Variants in CPSF6 observed in about 807,000 individuals in gnomAD.
CPSF6 encodes the protein cleavage and polyadenylation specific factor 6.
CPSF6 carries 10 observed loss-of-function variants against 56.7 expected under a neutral mutation model. That is an observed-to-expected ratio of 0.18 (90% confidence interval 0.11 to 0.30). CPSF6 has a LOEUF of 0.30. Among genes scored for constraint, CPSF6 ranks in the 10% least tolerant of loss-of-function variants. The pLI, the probability that CPSF6 is intolerant of heterozygous loss-of-function variation, is 1.00. For synonymous variants in CPSF6, 248 were observed against 244.8 expected (o/e 1.01, Z -0.12); for missense variants, 419 against 722.9 (o/e 0.58, Z 4.82).
intron 1 of CPSF6, among the ~76,000 whole-genome samples, chr12:69,241,632 G>C (rs1398875920): frequency 6.6e-6 from 1 of 152,180 alleles, no homozygotes; most frequent in Non-Finnish European, 1.5e-5. Context: ...TCTTATCCCT[G>C]TGCAGTAGCA....
chr12:69,258,791 C>T lies in CPSF6; in HGVS notation c.896C>T (p.Pro299Leu), dbSNP rs1300905836. The change falls in exon 6 of 10, where the codon CCA becomes CTA. Residue 299 changes from proline (P) to leucine (L), a missense_variant. Physicochemically the swap from Pro to Leu is moderately conservative, Grantham distance 98 (BLOSUM62 -3). This residue lies in a region of CPSF6 where 211 missense variants were observed against 296.0 expected (regional missense o/e 0.71). Coordinates refer to ENST00000435070, the MANE Select transcript of CPSF6 (RefSeq NM_007007.3). The surrounding 1 kb of genome is among the most constrained non-coding windows in gnomAD (Gnocchi z 4.2). ...LGPLPPGPPP[P>L]VPGYGPPPGP... ...CCACTTCCTCCTGGCCCTCCACCTC[C>T]AGTTCCAGGCTACGGCCCCCCTCCT... is the stretch of plus-strand genomic sequence containing the variant. 4.3e-6 allele frequency: 7 copies of T among 1,614,028 alleles called. No homozygotes were observed. Among genetic ancestry groups the T allele is most frequent in the Non-Finnish European group, 5.9e-6 (7 of 1,179,984 alleles).
chr12:69,262,407 T>C lies in CPSF6; in HGVS notation c.1504T>C (p.Ser502Pro). Reference sequence around the variant, plus strand: ...ATCAAGAGAGAGGGACCATAGTAGATCACGAGAAAAGAGTCGACGTCATAA... The same window carrying C: ...ATCAAGAGAGAGGGACCATAGTAGACCACGAGAAAAGAGTCGACGTCATAA... ...ERSRERDHSR[S>P]REKSRRHKSR... Residue 502 changes from serine to proline, a missense_variant, in exon 9 of 10, where the codon TCA (serine) becomes CCA (proline). By Grantham distance (74) the Ser-to-Pro change is moderately conservative. Coordinates refer to ENST00000435070, the MANE Select transcript of CPSF6 (RefSeq NM_007007.3). 1 of 1,610,856 alleles carries C rather than the reference T, an allele frequency of 6.2e-7. No individual in the cohort carries two copies. Among genetic ancestry groups the C allele is most frequent in the Non-Finnish European group, 8.5e-7 (1 of 1,177,810 alleles).
rs1359756405 is a variant in CPSF6, at chr12:69,273,937, C to CA, written c.*4435dup. On this transcript the variant is annotated 3_prime_UTR_variant, in exon 10 of 10. Coordinates refer to ENST00000435070, the MANE Select transcript of CPSF6 (RefSeq NM_007007.3). ...AATGGAAAGCCCTTAACAACAACAA[C>CA]AAAAAATTGTATCATTTTACCAATA... 6.6e-6 allele frequency: 1 copy of CA among 151,746 alleles called. No homozygotes were observed. Among genetic ancestry groups the CA allele is most frequent in the South Asian group, 2.1e-4 (1 of 4,820 alleles). The allele number at this position is 151,746 out of a possible 1,614,324, so 9.4% of individuals were successfully genotyped here.
At chr12:69,257,409 G>A (rs1320674495) in intron 4 of CPSF6, among the ~76,000 whole-genome samples, 2 of 152,196 alleles carry the variant, frequency 1.3e-5, no homozygotes, top group Non-Finnish European at 2.9e-5. Flanking sequence ...GAAGAAGTGT[G>A]TTACAAAATT....
chr12:69,248,386 A>T lies in CPSF6; in HGVS notation c.61-2743A>T, dbSNP rs368119884. On this transcript the variant is annotated intron_variant, in intron 1 of 9. Coordinates refer to ENST00000435070, the MANE Select transcript of CPSF6 (RefSeq NM_007007.3). ...TTCTGCTGAGGAGGATGGAAACTCA[A>T]CTCCCTTTGAATAATATTAGTAATT... Among the ~76,000 whole-genome samples the T allele has an allele frequency of 5.2e-4, 79 of 152,216 alleles. 1 individual carries two copies. The East Asian group carries it at 8.7e-3, about 17-fold the overall frequency.
At chr12:69,259,177 A>T in intron 6 of CPSF6, 83 bp downstream of exon 6, 2 of 1,427,696 alleles carry the variant, frequency 1.4e-6, no homozygotes, top group East Asian at 2.4e-5. Flanking sequence ...AGGTATATAA[A>T]TATGTTATTT....
At chr12:69,240,132 GCCCGCCGCCGCCGCCCCTTC>G (rs1215616462) in intron 1 of CPSF6, among the ~76,000 whole-genome samples, 2 of 150,966 alleles carry the variant, frequency 1.3e-5, no homozygotes, top group South Asian at 2.1e-4. Flanking sequence ...CGGGGCGCGT[GCCCGCCGCCGCCGCCCCTTC>G]CCCGCCGCTG....
At position 69,258,812 on chromosome 12, in the gene CPSF6, C is replaced by T. The variant is rs767355931; in HGVS notation, c.917C>T (p.Pro306Leu). ...CCTCCAGTTCCAGGCTACGGCCCCC[C>T]TCCTGGCCCACCACCTCCACAACAG... ...PPPPVPGYGPPPGPPPPQQGP... is the reference protein window; with the variant it reads ...PPPPVPGYGPLPGPPPPQQGP... The change falls in exon 6 of 10, where the codon CCT (proline) becomes CTT (leucine). Residue 306 changes from proline to leucine, a missense_variant. By Grantham distance (98) the Pro-to-Leu change is moderately conservative. Coordinates refer to ENST00000435070, the MANE Select transcript of CPSF6 (RefSeq NM_007007.3). This position sits in a 1 kb window ranked among gnomAD's most constrained non-coding sequence, Gnocchi z 4.2. 6.2e-7 allele frequency: 1 copy of T among 1,613,944 alleles called. No homozygotes were observed. The highest frequency in any genetic ancestry group is 8.5e-7 in the Non-Finnish European group (1 of 1,179,950).
At chr12:69,265,660 T>C (rs545080614) in intron 9 of CPSF6, among the ~76,000 whole-genome samples, 1 of 146,806 alleles carries the variant, frequency 6.8e-6, no homozygotes, top group African/African-American at 2.5e-5. Flanking sequence ...TAGAGTGCAG[T>C]GGCACAATCT....
chr12:69,241,641 C>G (rs1871627592), intron 1 of CPSF6, among the ~76,000 whole-genome samples: 1 of 152,196 alleles, frequency 6.6e-6, no homozygotes, highest in Non-Finnish European at 1.5e-5. Context: ...TGTGCAGTAG[C>G]AAGTGCTGAC....
chr12:69,253,226 AGTTAAT>A, intron 3 of CPSF6, 72 bp downstream of exon 3: 3 of 788,640 alleles, frequency 3.8e-6, no homozygotes, highest in Non-Finnish European at 6.3e-6. Flanking sequence ...CTTTCCTTTA[AGTTAAT>A]GTTAATTACA....
chr12:69,253,900 T>C (rs536399437), intron 3 of CPSF6, among the ~76,000 whole-genome samples: 93 of 152,270 alleles, frequency 6.1e-4, no homozygotes, highest in Middle Eastern at 6.8e-3. Context: ...ATAAGTCTTT[T>C]GGTACAGATT....
chr12:69,239,679 C>T lies in CPSF6; in HGVS notation c.33C>T (p.Tyr11=). ...ACGGCGTGGACCACATAGACATTTA[C>T]GCGGATGTCGGCGAAGAGTTCAACC... MADGVDHIDI[Y]ADVGEEFNQE... The change falls in exon 1 of 10, where the codon TAC becomes TAT. Residue 11 remains tyrosine, a synonymous_variant. Coordinates refer to ENST00000435070, the MANE Select transcript of CPSF6 (RefSeq NM_007007.3). 1.0e-5 allele frequency: 16 copies of T among 1,591,146 alleles called. No individual in the cohort carries two copies. Among genetic ancestry groups the T allele is most frequent in the Non-Finnish European group, 1.1e-5 (13 of 1,169,764 alleles).
intron 9 of CPSF6, among the ~76,000 whole-genome samples, chr12:69,267,791 A>T (rs200444511): frequency 6.6e-6 from 1 of 151,906 alleles, no homozygotes; most frequent in East Asian, 1.9e-4. Flanking sequence ...AATAGAAAAG[A>T]TCTATCTATA....
chr12:69,240,136 G>A (rs746952677), intron 1 of CPSF6, among the ~76,000 whole-genome samples: 2 of 151,180 alleles, frequency 1.3e-5, no homozygotes, highest in East Asian at 2.0e-4. Flanking sequence ...GCGCGTGCCC[G>A]CCGCCGCCGC....
In CPSF6 at chr12:69,239,615, G is replaced by T. The variant is rs1185104032; in HGVS notation, c.-32G>T. 2 of 1,541,410 alleles carry T rather than the reference G, an allele frequency of 1.3e-6. No individual in the cohort carries two copies. Among genetic ancestry groups the T allele is most frequent in the African/African-American group, 2.9e-5 (2 of 69,832 alleles). On this transcript the variant is annotated 5_prime_UTR_variant, in exon 1 of 10. Coordinates refer to ENST00000435070, the MANE Select transcript of CPSF6 (RefSeq NM_007007.3). ...GCGGCGGGCAGACCTGCAGGAGGCG[G>T]CGGCGGCGGCGGCGGCCGAGGCTGA...
chr12:69,250,314 A>G (rs1033813879), intron 1 of CPSF6, among the ~76,000 whole-genome samples: 4 of 152,082 alleles, frequency 2.6e-5, no homozygotes, highest in African/African-American at 4.8e-5. Context: ...GTTTAAAAAA[A>G]ACTTGTCTAT....
intron 9 of CPSF6, among the ~76,000 whole-genome samples, chr12:69,265,886 G>A (rs1001886422): frequency 3.3e-5 from 5 of 151,838 alleles, no homozygotes; most frequent in Non-Finnish European, 5.9e-5. Flanking sequence ...GATTACAGGC[G>A]TGAGCCACCG....
chr12:69,253,190 C>G, intron 3 of CPSF6, 36 bp downstream of exon 3: 1 of 1,061,932 alleles, frequency 9.4e-7, no homozygotes, highest in Non-Finnish European at 1.4e-6. Context: ...GATTTAGTAG[C>G]TAGTGATACA....
Sources: allele counts gnomAD v4.1 joint callset (sites outside exome capture counted in the v4.1 genomes callset), GRCh38; gene constraint gnomAD v4.1.1; regional missense constraint gnomAD v4.1.1; non-coding constraint Gnocchi (gnomAD v3.1); transcripts MANE v1.5; gene names NCBI Gene and HGNC (gene_info 2026-07-23, HGNC 2026-07-21).